Variants in LINGO2 observed in about 807,000 individuals in gnomAD.
LINGO2 encodes the protein leucine-rich repeat and immunoglobulin-like domain-containing nogo receptor-interacting protein 2.
LINGO2 carries 14 observed loss-of-function variants against 30.6 expected under a neutral mutation model. That is an observed-to-expected ratio of 0.46 (90% CI 0.30 to 0.72). The LOEUF is 0.72. Among genes scored for constraint, LINGO2 ranks in the 30% least tolerant of loss-of-function variants. LINGO2 has a pLI of 0.07. For synonymous variants in LINGO2, 317 were observed against 288.5 expected (o/e 1.10, Z -1.00); for missense variants, 729 against 751.7 (o/e 0.97, Z 0.35).
the LINGO2 span, among the ~76,000 whole-genome samples, chr9:28,778,749 T>A: frequency 6.6e-6 from 1 of 152,210 alleles, no homozygotes; most frequent in Non-Finnish European, 1.5e-5. Flanking sequence ...CTCCATGTTC[T>A]CTTGATAAGT....
intron 4 of LINGO2, among the ~76,000 whole-genome samples, chr9:28,253,098 C>A (rs1001448442): frequency 6.6e-6 from 1 of 151,732 alleles, no homozygotes; most frequent in African/African-American, 2.4e-5. Flanking sequence ...ATATTATTTT[C>A]TTCAATAAAC....
chr9:28,043,986 G>A (rs1824306504), intron 4 of LINGO2, among the ~76,000 whole-genome samples: 1 of 152,126 alleles, frequency 6.6e-6, no homozygotes, highest in Admixed American at 6.5e-5. Context: ...TTTAATCTAT[G>A]TGTTTTCCCC....
At chr9:29,056,007 C>T in the LINGO2 span, among the ~76,000 whole-genome samples, 7 of 134,232 alleles carry the variant, frequency 5.2e-5, no homozygotes, top group Admixed American at 5.4e-4. Flanking sequence ...TCTTTATCCA[C>T]TCATTGATCG....
At chr9:28,299,136 C>T (rs561430469) in intron 3 of LINGO2, among the ~76,000 whole-genome samples, 7 of 152,160 alleles carry the variant, frequency 4.6e-5, no homozygotes, top group East Asian at 1.9e-4. Flanking sequence ...TCATCTTCCC[C>T]GTGGAGACAT....
chr9:28,649,578 A>T (rs1827993913), intron 1 of LINGO2, among the ~76,000 whole-genome samples: 1 of 136,152 alleles, frequency 7.3e-6, no homozygotes, highest in Non-Finnish European at 1.5e-5. Flanking sequence ...GCTACAACTT[A>T]AATCAGTTAA....
At chr9:28,257,234 T>G (rs1822412386) in intron 4 of LINGO2, among the ~76,000 whole-genome samples, 1 of 151,920 alleles carries the variant, frequency 6.6e-6, no homozygotes, top group Non-Finnish European at 1.5e-5. Flanking sequence ...ATAAAGCGTC[T>G]CTTAGACTTA....
At chr9:29,188,842 C>A in the LINGO2 span, among the ~76,000 whole-genome samples, 2 of 114,866 alleles carry the variant, frequency 1.7e-5, no homozygotes, top group African/African-American at 3.9e-5. Flanking sequence ...GACCCCCCCG[C>A]CACCTTCCTC....
chr9:29,093,843 A>T, the LINGO2 span, among the ~76,000 whole-genome samples: 75 of 138,352 alleles, frequency 5.4e-4, 11 homozygotes, highest in Non-Finnish European at 1.1e-3. Flanking sequence ...TTCTAAGAAT[A>T]GTCAAACACA....
chr9:28,405,249 T>C (rs996273799), intron 2 of LINGO2, among the ~76,000 whole-genome samples: 2 of 152,162 alleles, frequency 1.3e-5, no homozygotes, highest in Admixed American at 1.3e-4. Flanking sequence ...TCTTATTCTC[T>C]CTTGAGCTTT....
intron 1 of LINGO2, among the ~76,000 whole-genome samples, chr9:28,497,068 C>G (rs1347407578): frequency 6.6e-6 from 1 of 152,216 alleles, no homozygotes; most frequent in Non-Finnish European, 1.5e-5. Flanking sequence ...GTAACCCGAC[C>G]TTTCTCTCTG....
the LINGO2 span, among the ~76,000 whole-genome samples, chr9:28,688,926 A>G: frequency 6.6e-6 from 1 of 152,050 alleles, no homozygotes; most frequent in Non-Finnish European, 1.5e-5. Flanking sequence ...TGTTGAGGGG[A>G]TGTACTGCAT....
the LINGO2 span, among the ~76,000 whole-genome samples, chr9:29,163,040 C>G: frequency 6.6e-6 from 1 of 152,082 alleles, no homozygotes; most frequent in African/African-American, 2.4e-5. Flanking sequence ...TTTTATTTCC[C>G]CCTCAGTATA....
intron 1 of LINGO2, among the ~76,000 whole-genome samples, chr9:28,650,987 G>A (rs891162691): frequency 2.6e-5 from 4 of 151,920 alleles, no homozygotes; most frequent in South Asian, 2.1e-4. Flanking sequence ...TCAGGAGATC[G>A]AGACCATCCT....
At chr9:29,197,708 T>G in the LINGO2 span, among the ~76,000 whole-genome samples, 1 of 152,254 alleles carries the variant, frequency 6.6e-6, no homozygotes, top group East Asian at 1.9e-4. Context: ...AAAGTTTCAC[T>G]GTCCTTTGCT....
downstream of LINGO2, chr9:27,944,552 C>T (rs1823290964): frequency 6.6e-6 from 1 of 152,080 alleles, no homozygotes; most frequent in Non-Finnish European, 1.5e-5. Flanking sequence ...TTTCATTCCT[C>T]AAAACTTTCT....
the LINGO2 span, among the ~76,000 whole-genome samples, chr9:28,737,221 G>A: frequency 6.6e-6 from 1 of 152,128 alleles, no homozygotes; most frequent in Non-Finnish European, 1.5e-5. Flanking sequence ...CAGGAAAAAG[G>A]AGGCCTGGGC....
the LINGO2 span, among the ~76,000 whole-genome samples, chr9:29,092,528 A>C: frequency 6.6e-6 from 1 of 152,076 alleles, no homozygotes; most frequent in African/African-American, 2.4e-5. Context: ...CAACTAACTT[A>C]ACTCATACAG....
intron 4 of LINGO2, among the ~76,000 whole-genome samples, chr9:28,043,490 C>T (rs1484086013): frequency 2.0e-5 from 3 of 152,158 alleles, no homozygotes; most frequent in African/African-American, 4.8e-5. Flanking sequence ...AAACAAATTA[C>T]GTAAATGCAT....
At chr9:28,267,380 C>T (rs748027842) in intron 4 of LINGO2, among the ~76,000 whole-genome samples, 24 of 151,914 alleles carry the variant, frequency 1.6e-4, no homozygotes, top group Non-Finnish European at 1.2e-4. Context: ...CAAAACAAAA[C>T]GCAATAAAAT....
Sources: allele counts gnomAD v4.1 joint callset (sites outside exome capture counted in the v4.1 genomes callset), GRCh38; gene constraint gnomAD v4.1.1; transcripts MANE v1.5; gene names NCBI Gene and HGNC (gene_info 2026-07-23, HGNC 2026-07-21).